Variants in AKAP8L observed in about 807,000 individuals in gnomAD.
AKAP8L encodes the protein A-kinase anchor protein 8-like.
AKAP8L carries 34 observed loss-of-function variants against 77.5 expected under a neutral mutation model. That is an observed-to-expected ratio of 0.44 (90% CI 0.33 to 0.58). The LOEUF (loss-of-function observed/expected upper bound fraction) is 0.58, where lower values mean the gene tolerates loss of function less well. Ranked by LOEUF, AKAP8L falls within the 20% of genes least tolerant of loss-of-function variation. The pLI, the probability that AKAP8L is intolerant of heterozygous loss-of-function variation, is 0.02. For missense variants in AKAP8L, 806 were observed against 887.6 expected (o/e 0.91, Z 1.17); for synonymous variants, 342 against 340.7 (o/e 1.00, Z -0.04).
chr19:15,392,896 C>CAAAAGAAAAAAAA (rs535186821), intron 12 of AKAP8L, among the ~76,000 whole-genome samples: 1 of 43,138 alleles, frequency 2.3e-5, no homozygotes, highest in African/African-American at 1.1e-4. Flanking sequence ...AACTCTGTCT[C>CAAAAGAAAAAAAA]AAAAAAAAAA....
rs751792573 is a variant in AKAP8L at position 15,397,497 on chromosome 19, G to C, written c.1405+23C>G. On this transcript the variant is annotated intron_variant, in intron 11 of 13. Coordinates refer to ENST00000397410, the MANE Select transcript of AKAP8L (RefSeq NM_014371.4). This position sits in a 1 kb window ranked among gnomAD's most constrained non-coding sequence, Gnocchi z 4.7. ...TGCAGGCTGAGGCCTTGCCTGGTGG[G>C]AGTGGGCTGAAAATCTCCTCACCCT... is the stretch of plus-strand genomic sequence containing the variant. 1.3e-6 allele frequency: 2 copies of C among 1,595,246 alleles called. No individual in the cohort carries two copies. Among genetic ancestry groups the C allele is most frequent in the Non-Finnish European group, 1.7e-6 (2 of 1,164,730 alleles).
chr19:15,410,806 GATTAAAAA>G (rs1174007689), intron 1 of AKAP8L, among the ~76,000 whole-genome samples: 2 of 151,888 alleles, frequency 1.3e-5, no homozygotes, highest in East Asian at 3.9e-4. Flanking sequence ...AGGAGGACTA[GATTAAAAA>G]ATTATTTATT....
At chr19:15,416,339 T>C (rs1968206910) in intron 1 of AKAP8L, among the ~76,000 whole-genome samples, 1 of 152,236 alleles carries the variant, frequency 6.6e-6, no homozygotes, top group African/African-American at 2.4e-5. Context: ...ATAAGATTTA[T>C]GAAAATGACT....
chr19:15,380,779 C>G (rs1320796990), intron 12 of AKAP8L, 167 bp from the exon 13 acceptor site: 1 of 613,138 alleles, frequency 1.6e-6, no homozygotes, highest in East Asian at 2.7e-5. Context: ...CCTATCTGAT[C>G]TTTGTTCAAA....
chr19:15,380,307 G>A lies in AKAP8L; in HGVS notation c.1756C>T (p.Pro586Ser), dbSNP rs1967374893. ...AGISEGAEGV[P>S]AQPPVPPEPA... is the part of the protein sequence containing the mutation. ...TCTGGGGGCACGGGAGGCTGCGCCG[G>A]CACGCCCTCTGCGCCCTCCGAGATC... The change falls in exon 14 of 14, where the codon CCG becomes TCG. Residue 586 changes from proline to serine, a missense_variant. This residue lies in a region of AKAP8L where 226 missense variants were observed against 193.5 expected (regional missense o/e 1.17). Transcript: ENST00000397410. The A allele has an allele frequency of 3.3e-6, 5 of 1,532,196 alleles. No homozygotes were observed. The highest frequency in any genetic ancestry group is 4.4e-6 in the Non-Finnish European group (5 of 1,145,366). The allele number at this position is 1,532,196 out of a possible 1,614,324, so 94.9% of individuals were successfully genotyped here. A position where few individuals can be genotyped will look rare whatever the true frequency, so the allele number is the denominator to read the frequency against.
At chr19:15,404,979 T>A (rs1967967926) in intron 2 of AKAP8L, among the ~76,000 whole-genome samples, 1 of 152,200 alleles carries the variant, frequency 6.6e-6, no homozygotes, top group African/African-American at 2.4e-5. Context: ...TGATGACCAC[T>A]ATGTTTAACA....
At chr19:15,386,675 G>A (rs7257091) in intron 12 of AKAP8L, among the ~76,000 whole-genome samples, 121,134 of 152,090 alleles carry the variant, frequency 0.8, 48,513 homozygotes, top group East Asian at 0.99. Flanking sequence ...CTATTTTTCT[G>A]AGTTGGAGTT....
chr19:15,394,383 T>G (rs531051804), intron 12 of AKAP8L, among the ~76,000 whole-genome samples: 24 of 152,156 alleles, frequency 1.6e-4, no homozygotes, highest in Admixed American at 8.5e-4. Context: ...TAGAGAGAGA[T>G]AGATTAGTAG....
intron 12 of AKAP8L, among the ~76,000 whole-genome samples, chr19:15,392,913 T>C (rs1396280487): frequency 3.1e-5 from 1 of 32,348 alleles, no homozygotes; most frequent in South Asian, 9.7e-4. Context: ...AAAAAAATCT[T>C]AACAATAAAG....
intron 12 of AKAP8L, among the ~76,000 whole-genome samples, chr19:15,390,767 T>C (rs958840771): frequency 6.6e-6 from 1 of 152,100 alleles, no homozygotes; most frequent in African/African-American, 2.4e-5. Context: ...GTGTTTTATA[T>C]CCAAATAAAA....
intron 12 of AKAP8L, among the ~76,000 whole-genome samples, chr19:15,384,982 T>C (rs1036734720): frequency 8.1e-5 from 12 of 148,826 alleles, no homozygotes; most frequent in East Asian, 3.9e-4. Flanking sequence ...GCCATTCTCT[T>C]TTTTTTTTTT....
intron 12 of AKAP8L, among the ~76,000 whole-genome samples, chr19:15,396,670 T>C (rs945846743): frequency 6.6e-6 from 1 of 152,276 alleles, no homozygotes; most frequent in Non-Finnish European, 1.5e-5. Context: ...TCCTCTTGTC[T>C]GGAGACTGCA....
In AKAP8L at chr19:15,401,885, G is replaced by A. The variant is rs1455254256; in HGVS notation, c.363-282C>T. On this transcript the variant is annotated intron_variant, in intron 4 of 13. Transcript: ENST00000397410. This position sits in a 1 kb window ranked among gnomAD's most constrained non-coding sequence, Gnocchi z 6.2. ...CTCTAGTCCAGTGAGTCTCAACAAGGGGCAGAGCTGCTCCACAGCCCTTTG... is the reference window on the plus strand; with the variant it reads ...CTCTAGTCCAGTGAGTCTCAACAAGAGGCAGAGCTGCTCCACAGCCCTTTG... Among the ~76,000 whole-genome samples the A allele has an allele frequency of 2.0e-5, 3 of 152,184 alleles. No homozygotes were observed. Among genetic ancestry groups the A allele is most frequent in the African/African-American group, 7.2e-5 (3 of 41,440 alleles).
intron 1 of AKAP8L, among the ~76,000 whole-genome samples, chr19:15,413,782 T>G (rs911519546): frequency 3.3e-5 from 5 of 152,204 alleles, no homozygotes; most frequent in African/African-American, 1.2e-4. Flanking sequence ...GGTAATGTGA[T>G]CTGTGAGTAC....
intron 1 of AKAP8L, among the ~76,000 whole-genome samples, chr19:15,416,161 C>T (rs1968204666): frequency 6.6e-6 from 1 of 151,656 alleles, no homozygotes; most frequent in African/African-American, 2.4e-5. Context: ...GAAGGAGTAA[C>T]ACAGAGTACC....
At chr19:15,405,251 AG>A (rs1351996922) in intron 2 of AKAP8L, among the ~76,000 whole-genome samples, 1 of 152,198 alleles carries the variant, frequency 6.6e-6, no homozygotes, top group African/African-American at 2.4e-5. Flanking sequence ...AAAACACACA[AG>A]GCTGGGTGCA....
chr19:15,411,808 T>A (rs1310272675), intron 1 of AKAP8L, among the ~76,000 whole-genome samples: 1 of 152,120 alleles, frequency 6.6e-6, no homozygotes, highest in Non-Finnish European at 1.5e-5. Flanking sequence ...CTCACAGTAC[T>A]TTGGGAGGCC....
At position 15,399,459 on chromosome 19, in the gene AKAP8L, G is replaced by A. The variant is rs1434959024; in HGVS notation, c.1049-49C>T. On this transcript the variant is annotated intron_variant, in intron 8 of 13. Transcript: ENST00000397410. This position sits in a 1 kb window ranked among gnomAD's most constrained non-coding sequence, Gnocchi z 6.1. Reference sequence around the variant, plus strand: ...CACCAATTTGGCTCTGCCAGGACAGGGCAGGCCCTGCGGCCTCTGGCTGAA... The same window carrying A: ...CACCAATTTGGCTCTGCCAGGACAGAGCAGGCCCTGCGGCCTCTGGCTGAA... 1 of 1,426,574 alleles carries A rather than the reference G, an allele frequency of 7.0e-7. No individual in the cohort carries two copies. Among genetic ancestry groups the A allele is most frequent in the South Asian group, 1.1e-5 (1 of 87,362 alleles). 88.4% of individuals were successfully genotyped at this position (1,426,574 alleles called of 1,614,324 possible).
At position 15,380,170 on chromosome 19, in the gene AKAP8L, CG is replaced by C. The variant is rs1967368398; in HGVS notation, c.1892del (p.Pro631ArgfsTer?). Reference protein sequence around the residue: ...GALQRQIRGIPGLDVEDDEEG... With the variant: ...GALQRQIRGIXGLDVEDDEEG... The stretch of plus-strand genomic sequence containing the variant: ...CCTCGTCGTCCTCCACGTCGAGGCC[CG>C]GGATGCCGCGGATCTGGCGTTGCAG... On this transcript the variant is annotated frameshift_variant, in exon 14 of 14. Coordinates refer to ENST00000397410, the MANE Select transcript of AKAP8L (RefSeq NM_014371.4). LOFTEE classifies it high-confidence loss of function. 1 of 1,505,496 alleles carries C rather than the reference CG, an allele frequency of 6.6e-7. No individual in the cohort carries two copies. The highest frequency in any genetic ancestry group is 8.8e-7 in the Non-Finnish European group (1 of 1,135,822). 93.3% of individuals were successfully genotyped at this position (1,505,496 alleles called of 1,614,324 possible).
Sources: allele counts gnomAD v4.1 joint callset (sites outside exome capture counted in the v4.1 genomes callset), GRCh38; gene constraint gnomAD v4.1.1; regional missense constraint gnomAD v4.1.1; non-coding constraint Gnocchi (gnomAD v3.1); transcripts MANE v1.5; gene names NCBI Gene and HGNC (gene_info 2026-07-23, HGNC 2026-07-21).